The following XKR7 variants were observed in gnomAD, a reference collection of about 807,000 sequenced individuals.
XKR7 encodes the protein XK-related protein 7.
XKR7 carries 11 observed loss-of-function variants against 42.2 expected under a neutral mutation model. That is an observed-to-expected ratio of 0.26 (90% confidence interval 0.16 to 0.43). XKR7 has a LOEUF of 0.43. XKR7 is among the 20% of genes least tolerant of loss of function. XKR7 has a pLI of 1.00. For synonymous variants in XKR7, 346 were observed against 366.4 expected, an observed-to-expected ratio of 0.94 and a Z score of 0.64; for missense variants, 710 against 802.2, an observed-to-expected ratio of 0.89 and a Z score of 1.39.
intron 1 of XKR7, among the ~76,000 whole-genome samples, chr20:31,977,447 G>A (rs1202794929): frequency 6.6e-6 from 1 of 152,168 alleles, no homozygotes; most frequent in Non-Finnish European, 1.5e-5. Flanking sequence ...CCCTGGGGAA[G>A]TTGCTCCACC....
At chr20:31,970,609 G>C (rs1289061833) in intron 1 of XKR7, 4 of 152,166 alleles carry the variant, frequency 2.6e-5, no homozygotes, top group Non-Finnish European at 1.5e-5. Context: ...GAAGTGTTTT[G>C]TGTGGCTTGC....
intron 1 of XKR7, among the ~76,000 whole-genome samples, chr20:31,991,654 C>A (rs1424514975): frequency 6.6e-6 from 1 of 152,220 alleles, no homozygotes; most frequent in Admixed American, 6.5e-5. Context: ...CAATTCTAGT[C>A]TCCTTATGTC....
chr20:31,991,107 G>A (rs1486156773), intron 1 of XKR7, among the ~76,000 whole-genome samples: 1 of 152,164 alleles, frequency 6.6e-6, no homozygotes, highest in African/African-American at 2.4e-5. Context: ...GAGTGGGCAG[G>A]GAGGTGGGCA....
chr20:31,985,530 C>T (rs1271697743), intron 1 of XKR7, among the ~76,000 whole-genome samples: 2 of 151,890 alleles, frequency 1.3e-5, no homozygotes, highest in Admixed American at 1.3e-4. Flanking sequence ...ACCAAGCAGT[C>T]GAGGGACTAA....
intron 1 of XKR7, among the ~76,000 whole-genome samples, chr20:31,984,660 T>C (rs1241458831): frequency 1.3e-5 from 2 of 152,242 alleles, no homozygotes; most frequent in Non-Finnish European, 2.9e-5. Context: ...CAGTTTTCTC[T>C]AAACCCATAT....
At position 31,986,011 on chromosome 20, in the gene XKR7, CACAG is replaced by C. The variant is rs1157237353; in HGVS notation, c.585-9038_585-9035del. ...TACCAAGCAGACCCAGCATCCAAGACACAGACAGACAGACAGACAGACTACCAAG... is the reference window on the plus strand; with the variant it reads ...TACCAAGCAGACCCAGCATCCAAGACACAGACAGACAGACAGACTACCAAG... On this transcript the variant is annotated intron_variant, in intron 1 of 2. Transcript: ENST00000562532. 9.4e-5 allele frequency among the ~76,000 whole-genome samples: 13 copies of C among 138,318 alleles called. 1 individual carries two copies. Among genetic ancestry groups the C allele is most frequent in the East Asian group, 4.5e-4 (2 of 4,440 alleles). The allele number at this position is 138,318 out of a possible 152,430, so 90.7% of individuals were successfully genotyped here.
intron 1 of XKR7, among the ~76,000 whole-genome samples, chr20:31,977,754 C>T (rs568058848): frequency 1.3e-5 from 2 of 152,158 alleles, no homozygotes; most frequent in Non-Finnish European, 2.9e-5. Flanking sequence ...AGGGCAGATG[C>T]GAACTCAAAG....
chr20:31,995,178 G>A lies in XKR7; in HGVS notation c.695G>A (p.Arg232His), dbSNP rs1271480797. 1 of 1,550,124 alleles carries A rather than the reference G, an allele frequency of 6.5e-7. No homozygotes were observed. Among genetic ancestry groups the A allele is most frequent in the Non-Finnish European group, 8.7e-7 (1 of 1,147,116 alleles). The stretch of plus-strand genomic sequence containing the variant: ...GAGAGCGCCGACGTGAGCATGCTGC[G>A]CTTGCTGGAGACCTTCCTGCGCAGC... Reference protein sequence around the residue: ...LFESADVSMLRLLETFLRSAP... With the variant: ...LFESADVSMLHLLETFLRSAP... The change falls in exon 2 of 3, where the codon CGC becomes CAC. Residue 232 changes from arginine (R) to histidine (H), a missense_variant. Coordinates refer to ENST00000562532, the MANE Select transcript of XKR7 (RefSeq NM_001011718.2). This position sits in a 1 kb window ranked among gnomAD's most constrained non-coding sequence, Gnocchi z 4.1.
rs1217887669 is a variant in XKR7 at position 32,000,902 on chromosome 20, G to C, written c.*3445G>C. On this transcript the variant is annotated 3_prime_UTR_variant, in exon 3 of 3. Transcript: ENST00000562532. ...GCTCCCCAATGAGGGAGCCTTGCTT[G>C]ATCCCCTCCTGTCATCTGCCTCATT... 6.6e-6 allele frequency: 1 copy of C among 152,388 alleles called. No individual in the cohort carries two copies. The highest frequency in any genetic ancestry group is 6.5e-5 in the Admixed American group (1 of 15,288). 9.4% of individuals were successfully genotyped at this position (152,388 alleles called of 1,614,324 possible). A position where few individuals can be genotyped will look rare whatever the true frequency, so the allele number is the denominator to read the frequency against.
intron 1 of XKR7, among the ~76,000 whole-genome samples, chr20:31,971,883 G>T (rs1005630860): frequency 6.6e-6 from 1 of 152,142 alleles, no homozygotes; most frequent in African/African-American, 2.4e-5. Context: ...AGCTCCAGCT[G>T]ATCATGCCAT....
chr20:31,970,006 T>G (rs1013496622), intron 1 of XKR7, among the ~76,000 whole-genome samples: 4 of 152,246 alleles, frequency 2.6e-5, no homozygotes, highest in African/African-American at 9.6e-5. Context: ...CTTGTTGTGT[T>G]GTCGAATCTC....
chr20:31,996,138 ACCT>A (rs1435818006), intron 2 of XKR7, among the ~76,000 whole-genome samples: 1 of 145,382 alleles, frequency 6.9e-6, no homozygotes, highest in South Asian at 2.2e-4. Context: ...CCTAATCATG[ACCT>A]CCTCTTCACC....
chr20:31,972,183 C>T (rs1245492489), intron 1 of XKR7, among the ~76,000 whole-genome samples: 1 of 152,152 alleles, frequency 6.6e-6, no homozygotes, highest in African/African-American at 2.4e-5. Context: ...TCCCCACAGG[C>T]CCTGTGTGAG....
At chr20:31,982,817 G>T (rs2122262647) in intron 1 of XKR7, among the ~76,000 whole-genome samples, 1 of 152,322 alleles carries the variant, frequency 6.6e-6, no homozygotes, top group Non-Finnish European at 1.5e-5. Context: ...CTAGAAGTGG[G>T]TCTCAGCTGT....
Position 32,002,722 on chromosome 20 carries a change from G to A in XKR7, c.*5265G>A, listed in dbSNP as rs1004982021. 7 of 152,176 alleles carry A rather than the reference G, an allele frequency of 4.6e-5. No individual in the cohort carries two copies. Among genetic ancestry groups the A allele is most frequent in the African/African-American group, 1.7e-4 (7 of 41,426 alleles). 9.4% of individuals were successfully genotyped at this position (152,176 alleles called of 1,614,324 possible). A position where few individuals can be genotyped will look rare whatever the true frequency, so the allele number is the denominator to read the frequency against. On this transcript the variant is annotated 3_prime_UTR_variant, in exon 3 of 3. Transcript: ENST00000562532. ...GCTGAGCTTCTGATTGCAGATAAAT[G>A]TTTCTAAGGCCTCAAGTCAACTTCT...
At position 32,003,128 on chromosome 20, in the gene XKR7, G is replaced by C. The variant is rs1034135223; in HGVS notation, c.*5671G>C. 1 of 152,118 alleles carries C rather than the reference G, an allele frequency of 6.6e-6. No homozygotes were observed. The highest frequency in any genetic ancestry group is 1.5e-5 in the Non-Finnish European group (1 of 68,078). 9.4% of individuals were successfully genotyped at this position (152,118 alleles called of 1,614,324 possible). A position where few individuals can be genotyped will look rare whatever the true frequency, so the allele number is the denominator to read the frequency against. ...CCGAGTGATTCTTCCCCTCCCTGTC[G>C]TCTCTTCCTCCCTAACGGGCCCTCA... is the stretch of plus-strand genomic sequence containing the variant. On this transcript the variant is annotated 3_prime_UTR_variant, in exon 3 of 3. Coordinates refer to ENST00000562532, the MANE Select transcript of XKR7 (RefSeq NM_001011718.2).
intron 1 of XKR7, chr20:31,970,657 A>T (rs1046257157): frequency 2.0e-5 from 3 of 152,150 alleles, no homozygotes; most frequent in Admixed American, 6.5e-5. Context: ...GCTTCCCTTT[A>T]AAAAAATTGG....
At position 31,997,321 on chromosome 20, in the gene XKR7, G is replaced by C; in HGVS notation, c.1604G>C (p.Trp535Ser). 1 of 1,610,430 alleles carries C rather than the reference G, an allele frequency of 6.2e-7. No homozygotes were observed. Among genetic ancestry groups the C allele is most frequent in the Non-Finnish European group, 8.5e-7 (1 of 1,179,990 alleles). ...TTGCCTCGCAAGAAGTACCCGGCCT[G>C]GGATGCTCATTTTATTGACCGCCGG... ...IDLPRKKYPAWDAHFIDRRLR... is the reference protein window; with the variant it reads ...IDLPRKKYPASDAHFIDRRLR... The change falls in exon 3 of 3, where the codon TGG (tryptophan) becomes TCG (serine). Residue 535 changes from tryptophan (W) to serine (S), a missense_variant. By Grantham distance (177) the Trp-to-Ser change is radical (BLOSUM62 -3). Transcript: ENST00000562532.
rs114595525 is a variant in XKR7 at position 31,976,289 on chromosome 20, C to G, written c.584+7530C>G. 2.6e-3 allele frequency among the ~76,000 whole-genome samples: 401 copies of G among 152,358 alleles called. 2 individuals carry two copies. Among genetic ancestry groups the G allele is most frequent in the African/African-American group, 9.2e-3 (382 of 41,588 alleles). On this transcript the variant is annotated intron_variant, in intron 1 of 2. Transcript: ENST00000562532. ...CAAACCCACATGTGGAACCACCAAA[C>G]TATACTGTCTTCTGCTAGTTAAGTG...
Sources: gnomAD v4.1 joint callset for allele counts (sites outside exome capture counted in the v4.1 genomes callset) on GRCh38, gnomAD v4.1.1 for gene constraint, Gnocchi (gnomAD v3.1) non-coding constraint, MANE v1.5 for transcripts, NCBI Gene and HGNC (gene_info 2026-07-23, HGNC 2026-07-21) for gene names.